The following YES1 variants were observed in gnomAD, a reference collection of about 807,000 sequenced individuals.
YES1 encodes YES proto-oncogene 1, Src family tyrosine kinase.
YES1 carries 39 observed loss-of-function variants against 70.4 expected under a neutral mutation model. The ratio of observed to expected loss-of-function variants is 0.55; its 90% CI spans 0.43 to 0.72. The LOEUF is 0.72. Ranked by LOEUF, YES1 falls within the 30% of genes least tolerant of loss-of-function variation. The probability of loss-of-function intolerance (pLI) is 0.00; values close to 1 mark genes in which losing one functional copy is unlikely to be tolerated. For missense variants in YES1, 495 were observed against 644.8 expected (o/e 0.77, Z 2.52); for synonymous variants, 198 against 218.6 (o/e 0.91, Z 0.83).
intron 1 of YES1, among the ~76,000 whole-genome samples, chr18:757,131 T>C (rs1275949817): frequency 6.6e-6 from 1 of 152,220 alleles, no homozygotes; most frequent in African/African-American, 2.4e-5. Flanking sequence ...CAGAGAGGCC[T>C]AAATTTGAAT....
At chr18:735,161 C>A (rs373374353) in intron 10 of YES1, among the ~76,000 whole-genome samples, 879 of 110,500 alleles carry the variant, frequency 8.0e-3, no homozygotes, top group African/African-American at 9.8e-3. Context: ...TGTCTCAAAG[C>A]AAAAAAAAAA....
Position 800,063 on chromosome 18 carries a change from T to C in YES1, c.-9+12051A>G, listed in dbSNP as rs573965909. Among the ~76,000 whole-genome samples, 8 of 152,352 alleles carry C rather than the reference T, an allele frequency of 5.3e-5. No homozygotes were observed. The South Asian group carries it at 1.2e-3, about 24-fold the overall frequency. On this transcript the variant is annotated intron_variant, in intron 1 of 11. Transcript: ENST00000314574. ...TTAAACTGCATCAAACCTTAGTTTC[T>C]CCATCAGACTCAAGTAGAATGCTTA... is the stretch of plus-strand genomic sequence containing the variant.
At chr18:724,850 T>C (rs1277563273) in intron 11 of YES1, among the ~76,000 whole-genome samples, 1 of 152,242 alleles carries the variant, frequency 6.6e-6, no homozygotes, top group African/African-American at 2.4e-5. Context: ...TTCCATCTTA[T>C]ATCTTATTTT....
At chr18:788,688 G>A (rs930258764) in intron 1 of YES1, among the ~76,000 whole-genome samples, 12 of 152,210 alleles carry the variant, frequency 7.9e-5, no homozygotes, top group African/African-American at 2.9e-4. Context: ...GGGAGGCCAA[G>A]GTGGATAGAT....
chr18:787,647 T>G (rs1906032457), intron 1 of YES1, among the ~76,000 whole-genome samples: 1 of 151,858 alleles, frequency 6.6e-6, no homozygotes, highest in Non-Finnish European at 1.5e-5. Context: ...GATGCGGAGG[T>G]TGCAGTGAGC....
chr18:728,683 G>A lies in YES1; in HGVS notation c.1424-4051C>T, dbSNP rs541457934. Among the ~76,000 whole-genome samples, 94 of 152,234 alleles carry A rather than the reference G, an allele frequency of 6.2e-4. 1 individual carries two copies. The South Asian group carries it at 7.9e-3, about 13-fold the overall frequency. The stretch of plus-strand genomic sequence containing the variant: ...TGGTACTACAGGTGTGTGCCACCAT[G>A]CCCAGCTAATTTTTGTATTTTTAGT... On this transcript the variant is annotated intron_variant, in intron 11 of 11. Coordinates refer to ENST00000314574, the MANE Select transcript of YES1 (RefSeq NM_005433.4).
intron 1 of YES1, among the ~76,000 whole-genome samples, chr18:810,611 T>C (rs1054077606): frequency 6.6e-6 from 1 of 152,228 alleles, no homozygotes; most frequent in Non-Finnish European, 1.5e-5. Flanking sequence ...ATATAAACTG[T>C]TTTGTTTTCA....
intron 1 of YES1, among the ~76,000 whole-genome samples, chr18:761,199 C>T (rs1390888768): frequency 6.6e-6 from 1 of 151,590 alleles, no homozygotes; most frequent in South Asian, 2.1e-4. Flanking sequence ...CTACTGTTCC[C>T]CACCCCACTT....
chr18:741,771 G>A (rs2145703111), intron 8 of YES1, among the ~76,000 whole-genome samples: 1 of 152,236 alleles, frequency 6.6e-6, no homozygotes, highest in South Asian at 2.1e-4. Flanking sequence ...ACTCCACCCT[G>A]GGGGATAGAG....
intron 1 of YES1, among the ~76,000 whole-genome samples, chr18:763,559 G>A (rs1904703031): frequency 6.6e-6 from 1 of 151,836 alleles, no homozygotes; most frequent in African/African-American, 2.4e-5. Context: ...ACCCAGTTGT[G>A]GTGTGTGGTG....
At chr18:779,399 G>A (rs1471980122) in intron 1 of YES1, among the ~76,000 whole-genome samples, 1 of 135,990 alleles carries the variant, frequency 7.4e-6, no homozygotes, top group African/African-American at 2.8e-5. Context: ...GTGAGACCCT[G>A]TCTCAAAAAA....
rs1258936716 is a variant in YES1 at position 756,042 on chromosome 18, T to A, written c.271+515A>T. Among the ~76,000 whole-genome samples, 6 of 152,344 alleles carry A rather than the reference T, an allele frequency of 3.9e-5. No individual in the cohort carries two copies. The East Asian group carries it at 1.2e-3, about 29-fold the overall frequency. On this transcript the variant is annotated intron_variant, in intron 2 of 11. Transcript: ENST00000314574. The stretch of plus-strand genomic sequence containing the variant: ...GACAATAAATCTGAGCTCTCCTACT[T>A]ACTATCTGTGACTTGGGGGAAAATT...
intron 1 of YES1, among the ~76,000 whole-genome samples, chr18:759,531 A>C (rs781354282): frequency 6.3e-4 from 96 of 152,280 alleles, no homozygotes; most frequent in Admixed American, 2.9e-3. Context: ...TTTTGTATCT[A>C]TGAGTTCTGC....
At chr18:738,157 C>CT (rs1436997379) in intron 9 of YES1, 3 of 151,872 alleles carry the variant, frequency 2.0e-5, no homozygotes, top group Non-Finnish European at 4.4e-5. Context: ...TATAGTTTCT[C>CT]AGTATAAAGC....
intron 1 of YES1, among the ~76,000 whole-genome samples, chr18:760,638 G>C (rs946040212): frequency 1.3e-5 from 2 of 152,186 alleles, no homozygotes; most frequent in African/African-American, 4.8e-5. Flanking sequence ...ATTTCCCATG[G>C]ATCTTGAGGG....
intron 1 of YES1, chr18:787,998 G>C (rs1215404115): frequency 1.3e-5 from 2 of 152,158 alleles, no homozygotes; most frequent in Admixed American, 6.6e-5. Flanking sequence ...TGGGAGACAG[G>C]AAAACAGCAC....
At chr18:739,695 C>A (rs750875128) in intron 9 of YES1, 40 bp downstream of exon 9, 1 of 1,427,008 alleles carries the variant, frequency 7.0e-7, no homozygotes, top group Non-Finnish European at 9.7e-7. Context: ...TTTTAATTTA[C>A]ACTTTTAATT....
chr18:725,889 G>A (rs972014323), intron 11 of YES1, among the ~76,000 whole-genome samples: 9 of 151,854 alleles, frequency 5.9e-5, no homozygotes, highest in East Asian at 1.9e-4. Flanking sequence ...ATCTCGCGGG[G>A]TGGGGAAGTG....
At chr18:773,901 G>A (rs976821901) in intron 1 of YES1, among the ~76,000 whole-genome samples, 2 of 150,280 alleles carry the variant, frequency 1.3e-5, no homozygotes, top group Non-Finnish European at 3.0e-5. Flanking sequence ...GTGTGATCTC[G>A]GCTCACTGCA....
Sources: allele counts gnomAD v4.1 joint callset (sites outside exome capture counted in the v4.1 genomes callset), GRCh38; gene constraint gnomAD v4.1.1; transcripts MANE v1.5; gene names NCBI Gene and HGNC (gene_info 2026-07-23, HGNC 2026-07-21).